Variants in BMERB1 observed in about 807,000 individuals in gnomAD.
BMERB1 encodes the protein bMERB domain containing 1.
A neutral mutation model predicts 23.6 loss-of-function variants in BMERB1; 12 were observed. The observed-to-expected ratio is 0.51, with a 90% CI of 0.33 to 0.82. The LOEUF (loss-of-function observed/expected upper bound fraction) is 0.82. Ranked by LOEUF, BMERB1 falls within the 40% of genes least tolerant of loss-of-function variation. The pLI, the probability that BMERB1 is intolerant of heterozygous loss-of-function variation, is 0.03. For synonymous variants in BMERB1, 122 were observed against 96.6 expected, an observed-to-expected ratio of 1.26 and a Z score of -1.54; for missense variants, 247 against 255.4, an observed-to-expected ratio of 0.97 and a Z score of 0.22.
At chr16:15,493,804 A>T (rs1315967491) in intron 1 of BMERB1, among the ~76,000 whole-genome samples, 1 of 152,186 alleles carries the variant, frequency 6.6e-6, no homozygotes, top group South Asian at 2.1e-4. Flanking sequence ...TCTCCTGTCA[A>T]ATTTCCAGCC....
intron 1 of BMERB1, among the ~76,000 whole-genome samples, chr16:15,500,315 T>C: frequency 6.6e-6 from 1 of 152,160 alleles, no homozygotes; most frequent in Non-Finnish European, 1.5e-5. Context: ...AAGGGTTTCC[T>C]CACAGTCCCT....
At chr16:15,472,295 A>G (rs963011280) in intron 1 of BMERB1, among the ~76,000 whole-genome samples, 1 of 152,224 alleles carries the variant, frequency 6.6e-6, no homozygotes, top group Admixed American at 6.5e-5. Context: ...CAGTTATTCT[A>G]TATCCTTGCT....
At chr16:15,448,838 A>T (rs1245703342) in intron 1 of BMERB1, among the ~76,000 whole-genome samples, 14 of 152,106 alleles carry the variant, frequency 9.2e-5, no homozygotes, top group Admixed American at 9.2e-4. Flanking sequence ...CTGCCGTGAG[A>T]TTAGCATCCT....
chr16:15,520,755 G>A (rs2051842943), intron 2 of BMERB1, among the ~76,000 whole-genome samples: 2 of 152,206 alleles, frequency 1.3e-5, no homozygotes, highest in South Asian at 2.1e-4. Flanking sequence ...CCAAAGTGCT[G>A]GGATTACAGG....
chr16:15,491,478 T>C (rs2051419335), intron 1 of BMERB1, among the ~76,000 whole-genome samples: 1 of 152,150 alleles, frequency 6.6e-6, no homozygotes, highest in Non-Finnish European at 1.5e-5. Flanking sequence ...ACGCCCAGCC[T>C]GATTGTATTT....
In BMERB1 at chr16:15,587,086, A is replaced by C. The variant is rs9934922; in HGVS notation, c.*257A>C. 0.037 allele frequency: 17,634 copies of C among 470,572 alleles called. 1,904 individuals are homozygous for C. Among genetic ancestry groups the C allele is most frequent in the African/African-American group, 0.27 (13,385 of 50,398 alleles). 29.1% of individuals were successfully genotyped at this position (470,572 alleles called of 1,614,324 possible). On this transcript the variant is annotated 3_prime_UTR_variant, in exon 6 of 6. Transcript: ENST00000300006. Reference sequence around the variant, plus strand: ...GGAGTCTGTCTCACTGTTTATCCAAACACCAGGAAAGGTCCTCCCTCAAAA... The same window carrying C: ...GGAGTCTGTCTCACTGTTTATCCAACCACCAGGAAAGGTCCTCCCTCAAAA...
chr16:15,568,443 GCCTGGCCAA>G (rs1204375515), intron 3 of BMERB1, among the ~76,000 whole-genome samples: 15 of 152,122 alleles, frequency 9.9e-5, no homozygotes, highest in Admixed American at 7.9e-4. Context: ...TTTGAGGCCA[GCCTGGCCAA>G]CATGGCAAAA....
At chr16:15,497,311 G>A (rs566027179) in intron 1 of BMERB1, among the ~76,000 whole-genome samples, 4 of 152,240 alleles carry the variant, frequency 2.6e-5, no homozygotes, top group Non-Finnish European at 4.4e-5. Flanking sequence ...AACTTGGGAC[G>A]GGCAAGGAAG....
At chr16:15,440,257 A>T (rs2050928413) in intron 1 of BMERB1, among the ~76,000 whole-genome samples, 1 of 151,456 alleles carries the variant, frequency 6.6e-6, no homozygotes, top group African/African-American at 2.4e-5. Flanking sequence ...AAAAAAAAAA[A>T]AAAAAAAAAA....
chr16:15,510,961 C>CA (rs1056790158), intron 1 of BMERB1, among the ~76,000 whole-genome samples: 4 of 152,154 alleles, frequency 2.6e-5, no homozygotes, highest in African/African-American at 4.8e-5. Flanking sequence ...TTCGGCCTCT[C>CA]AAAGTGCTGG....
At chr16:15,450,574 A>T (rs935067621) in intron 1 of BMERB1, among the ~76,000 whole-genome samples, 1 of 152,106 alleles carries the variant, frequency 6.6e-6, no homozygotes, top group African/African-American at 2.4e-5. Context: ...GGGCTCAAGC[A>T]ATCCTCCTGC....
chr16:15,454,227 G>A (rs551179050), intron 1 of BMERB1, among the ~76,000 whole-genome samples: 1 of 152,318 alleles, frequency 6.6e-6, no homozygotes, highest in African/African-American at 2.4e-5. Flanking sequence ...GATGTAGCTT[G>A]TATAATCTGG....
chr16:15,530,131 A>C (rs2051952672), intron 2 of BMERB1, among the ~76,000 whole-genome samples: 1 of 152,196 alleles, frequency 6.6e-6, no homozygotes, highest in Non-Finnish European at 1.5e-5. Context: ...GATTGAGGTC[A>C]TCCTGTCGCC....
At position 15,550,719 on chromosome 16, in the gene BMERB1, A is replaced by G. The variant is rs78808783; in HGVS notation, c.231-17264A>G. ...GGAACAGAAGATGACAGCCTGGTAT[A>G]TCTGGGTGACATGCGTAGGCAGTCT... On this transcript the variant is annotated intron_variant, in intron 2 of 5. Coordinates refer to ENST00000300006, the MANE Select transcript of BMERB1 (RefSeq NM_033201.3). Among the ~76,000 whole-genome samples the G allele has an allele frequency of 1.1e-4, 17 of 152,280 alleles. No individual in the cohort carries two copies. In the East Asian group the frequency reaches 3.1e-3, roughly 28 times the overall value.
intron 2 of BMERB1, among the ~76,000 whole-genome samples, chr16:15,565,899 C>A (rs1032762163): frequency 6.6e-6 from 1 of 152,178 alleles, no homozygotes; most frequent in Non-Finnish European, 1.5e-5. Flanking sequence ...GAATGTGAAC[C>A]TGTGTATCAC....
intron 1 of BMERB1, among the ~76,000 whole-genome samples, chr16:15,465,055 T>G (rs1208588315): frequency 1.3e-5 from 2 of 152,164 alleles, no homozygotes; most frequent in East Asian, 1.9e-4. Flanking sequence ...GTTGCGTGTC[T>G]TGATTGGGGT....
chr16:15,540,478 A>C (rs192420229), intron 2 of BMERB1, among the ~76,000 whole-genome samples: 1 of 152,228 alleles, frequency 6.6e-6, no homozygotes, highest in Admixed American at 6.5e-5. Context: ...GTGAGCTGAG[A>C]TTGTGCCACT....
At chr16:15,543,466 T>C (rs1168680693) in intron 2 of BMERB1, among the ~76,000 whole-genome samples, 1 of 152,060 alleles carries the variant, frequency 6.6e-6, no homozygotes, top group Non-Finnish European at 1.5e-5. Flanking sequence ...CCTGTCCGTA[T>C]CAGCAGGATG....
At chr16:15,583,118 T>C (rs1466782012) in intron 4 of BMERB1, 38 bp from the exon 5 acceptor site, 5 of 1,462,782 alleles carry the variant, frequency 3.4e-6, no homozygotes, top group South Asian at 3.4e-5. Flanking sequence ...CCTTGCTTGC[T>C]GTGTATCTTC....
Sources: gnomAD v4.1 joint callset for allele counts (sites outside exome capture counted in the v4.1 genomes callset) on GRCh38, gnomAD v4.1.1 for gene constraint, MANE v1.5 for transcripts, NCBI Gene and HGNC (gene_info 2026-07-23, HGNC 2026-07-21) for gene names.